Variants in CTNNA2 observed in about 807,000 individuals in gnomAD.
The protein encoded by CTNNA2 is catenin alpha-2.
CTNNA2 carries 42 observed loss-of-function variants against 101.0 expected under a neutral mutation model. The ratio of observed to expected loss-of-function variants is 0.42; its 90% CI spans 0.32 to 0.54. The LOEUF is 0.54. Among genes scored for constraint, CTNNA2 ranks in the 20% least tolerant of loss-of-function variants. CTNNA2 has a pLI of 0.14. For synonymous variants in CTNNA2, 450 were observed against 456.4 expected, an observed-to-expected ratio of 0.99 and a Z score of 0.18; for missense variants, 871 against 1,223.1, an observed-to-expected ratio of 0.71 and a Z score of 4.29.
chr2:80,193,371 A>T (rs1444750074), intron 7 of CTNNA2, among the ~76,000 whole-genome samples: 1 of 152,148 alleles, frequency 6.6e-6, no homozygotes, highest in African/African-American at 2.4e-5. Context: ...GGCAATCGGT[A>T]TATTTGGGTT....
chr2:80,077,315 T>C (rs995800841), intron 7 of CTNNA2, among the ~76,000 whole-genome samples: 1 of 152,214 alleles, frequency 6.6e-6, no homozygotes, highest in South Asian at 2.1e-4. Flanking sequence ...GAATGAATTA[T>C]ACATTAATTG....
chr2:79,993,967 T>C (rs1692360093), intron 7 of CTNNA2, among the ~76,000 whole-genome samples: 1 of 152,164 alleles, frequency 6.6e-6, no homozygotes, highest in African/African-American at 2.4e-5. Context: ...GCAGTGACAC[T>C]ATCACAGCTC....
rs375596683 is a variant in CTNNA2 at position 80,648,730 on chromosome 2, A to G, written c.*858A>G. ...GTGTAGCTTGGAGTGCTGGTATCTAATATACCATTGTATTCACTAACTAAC... is the reference window on the plus strand; with the variant it reads ...GTGTAGCTTGGAGTGCTGGTATCTAGTATACCATTGTATTCACTAACTAAC... On this transcript the variant is annotated 3_prime_UTR_variant, in exon 19 of 19. Coordinates refer to ENST00000402739, the MANE Select transcript of CTNNA2 (RefSeq NM_001282597.3). The G allele has an allele frequency of 3.9e-5, 6 of 152,294 alleles. No individual in the cohort carries two copies. The East Asian group carries it at 1.2e-3, about 30-fold the overall frequency. The allele number at this position is 152,294 out of a possible 1,614,324, so 9.4% of individuals were successfully genotyped here.
At chr2:80,561,899 C>G (rs1693634799) in intron 12 of CTNNA2, among the ~76,000 whole-genome samples, 1 of 148,572 alleles carries the variant, frequency 6.7e-6, no homozygotes, top group South Asian at 2.1e-4. Flanking sequence ...TGATCTCAAA[C>G]CCCTGACCTC....
intron 9 of CTNNA2, among the ~76,000 whole-genome samples, chr2:80,544,540 C>A (rs1691869103): frequency 6.6e-6 from 1 of 152,000 alleles, no homozygotes; most frequent in Non-Finnish European, 1.5e-5. Context: ...GGGGGCAGGG[C>A]ACCATAATTG....
At chr2:80,210,824 T>G (rs936669258) in intron 7 of CTNNA2, among the ~76,000 whole-genome samples, 1 of 152,190 alleles carries the variant, frequency 6.6e-6, no homozygotes, top group Non-Finnish European at 1.5e-5. Context: ...TAGTTTACAG[T>G]CCCACCAACA....
intron 4 of CTNNA2, among the ~76,000 whole-genome samples, chr2:79,399,999 G>A (rs891746166): frequency 2.6e-5 from 4 of 152,016 alleles, no homozygotes; most frequent in African/African-American, 7.2e-5. Flanking sequence ...TGTGCCCAAA[G>A]TGGTTGGAGC....
chr2:79,996,273 A>G (rs779141751), intron 7 of CTNNA2, among the ~76,000 whole-genome samples: 7 of 152,202 alleles, frequency 4.6e-5, no homozygotes, highest in Non-Finnish European at 8.8e-5. Context: ...AGAGCATGTT[A>G]TTAGACACAC....
At chr2:79,530,398 A>T (rs1454985968) in intron 1 of CTNNA2, among the ~76,000 whole-genome samples, 1 of 152,184 alleles carries the variant, frequency 6.6e-6, no homozygotes, top group Admixed American at 6.6e-5. Context: ...GATAAAAAGG[A>T]AACATATCTC....
At chr2:80,372,678 A>AAT (rs938755160) in intron 7 of CTNNA2, among the ~76,000 whole-genome samples, 2 of 148,678 alleles carry the variant, frequency 1.3e-5, no homozygotes, top group African/African-American at 5.2e-5. Flanking sequence ...CATTGGGAAA[A>AAT]CAGCTTTTTT....
chr2:79,748,652 T>G (rs779786961), intron 3 of CTNNA2, among the ~76,000 whole-genome samples: 1 of 152,120 alleles, frequency 6.6e-6, no homozygotes, highest in Non-Finnish European at 1.5e-5. Flanking sequence ...AATTACCCCA[T>G]CTGTCAAGAT....
intron 4 of CTNNA2, among the ~76,000 whole-genome samples, chr2:79,419,915 A>G (rs1401483182): frequency 6.6e-6 from 1 of 152,102 alleles, no homozygotes; most frequent in Non-Finnish European, 1.5e-5. Context: ...TGTTGTGATG[A>G]TGATGATGTT....
intron 2 of CTNNA2, among the ~76,000 whole-genome samples, chr2:79,282,376 T>G (rs1675414396): frequency 6.6e-6 from 1 of 152,110 alleles, no homozygotes; most frequent in Non-Finnish European, 1.5e-5. Flanking sequence ...CATCTAGCAT[T>G]AGGTATATCT....
At chr2:79,312,051 T>C (rs1030840419) in intron 2 of CTNNA2, among the ~76,000 whole-genome samples, 5 of 151,574 alleles carry the variant, frequency 3.3e-5, no homozygotes, top group African/African-American at 4.9e-5. Context: ...AACAGGCACA[T>C]GCTACCATGC....
At chr2:79,216,819 G>T (rs1674267594) in intron 2 of CTNNA2, among the ~76,000 whole-genome samples, 1 of 152,038 alleles carries the variant, frequency 6.6e-6, no homozygotes, top group Non-Finnish European at 1.5e-5. Flanking sequence ...AGAAGGGGTT[G>T]GGGGGTTCAT....
At chr2:80,020,541 G>T (rs568200528) in intron 7 of CTNNA2, among the ~76,000 whole-genome samples, 1 of 152,242 alleles carries the variant, frequency 6.6e-6, no homozygotes, top group South Asian at 2.1e-4. Flanking sequence ...GCTCACAGGA[G>T]ATTTATTTTT....
intron 2 of CTNNA2, among the ~76,000 whole-genome samples, chr2:79,724,687 C>G (rs187451097): frequency 6.6e-6 from 1 of 151,434 alleles, no homozygotes; most frequent in Non-Finnish European, 1.5e-5. Flanking sequence ...TGGTCGTGGG[C>G]GCCTGTAGTC....
intron 3 of CTNNA2, among the ~76,000 whole-genome samples, chr2:79,769,038 G>T (rs759143728): frequency 2.6e-5 from 4 of 152,032 alleles, no homozygotes; most frequent in Non-Finnish European, 5.9e-5. Flanking sequence ...TGTATTTTTA[G>T]TAGAGAAGAG....
intron 4 of CTNNA2, among the ~76,000 whole-genome samples, chr2:79,425,251 T>C (rs1678581308): frequency 6.6e-6 from 1 of 152,084 alleles, no homozygotes; most frequent in African/African-American, 2.4e-5. Flanking sequence ...ATTTAACCAG[T>C]AGGGAGTCAC....
Sources: allele counts gnomAD v4.1 joint callset (sites outside exome capture counted in the v4.1 genomes callset), GRCh38; gene constraint gnomAD v4.1.1; transcripts MANE v1.5; gene names NCBI Gene and HGNC (gene_info 2026-07-23, HGNC 2026-07-21).